The following TMC1 variants were observed in gnomAD, a reference collection of about 807,000 sequenced individuals.
TMC1 encodes the protein transmembrane channel-like protein 1.
In TMC1, 84 loss-of-function variants were observed where a neutral mutation model predicts 105.8. That is an observed-to-expected ratio of 0.79 (90% confidence interval 0.67 to 0.95). The LOEUF (loss-of-function observed/expected upper bound fraction) is 0.95, where lower values mean the gene tolerates loss of function less well. Ranked by LOEUF, TMC1 falls within the 40% of genes least tolerant of loss-of-function variation. The pLI, the probability that TMC1 is intolerant of heterozygous loss-of-function variation, is 0.00. For synonymous variants in TMC1, 315 were observed against 311.5 expected, an observed-to-expected ratio of 1.01 and a Z score of -0.12; for missense variants, 817 against 914.1, an observed-to-expected ratio of 0.89 and a Z score of 1.37.
At chr9:72,601,815 T>C (rs1824821180) in intron 2 of TMC1, among the ~76,000 whole-genome samples, 1 of 152,188 alleles carries the variant, frequency 6.6e-6, no homozygotes, top group South Asian at 2.1e-4. Context: ...TGCACTCCAA[T>C]GTGGGTCACA....
At chr9:72,804,810 C>T (rs1012819425) in intron 17 of TMC1, among the ~76,000 whole-genome samples, 1 of 152,320 alleles carries the variant, frequency 6.6e-6, no homozygotes, top group East Asian at 1.9e-4. Context: ...ATTTGTCATT[C>T]GTGAGGCAAC....
intron 23 of TMC1, 56 bp downstream of exon 23, chr9:72,830,738 C>CT (rs71495342): frequency 0.12 from 133,861 of 1,136,978 alleles, 570 homozygotes; most frequent in Non-Finnish European, 0.14. Context: ...CTTTTTCTTT[C>CT]TTTTTTTTTT....
rs141265571 is a variant in TMC1, at chr9:72,543,940, T to TTTTCTTTC, written c.-428+22035_-428+22042dup. Among the ~76,000 whole-genome samples, 898 of 119,950 alleles carry TTTTCTTTC rather than the reference T, an allele frequency of 7.5e-3. 35 individuals are homozygous for TTTTCTTTC. The highest frequency in any genetic ancestry group is 0.021 in the African/African-American group (547 of 26,198). 78.7% of individuals were successfully genotyped at this position (119,950 alleles called of 152,430 possible). A position where few individuals can be genotyped will look rare whatever the true frequency, so the allele number is the denominator to read the frequency against. On this transcript the variant is annotated intron_variant, in intron 1 of 23. Coordinates refer to ENST00000297784, the MANE Select transcript of TMC1 (RefSeq NM_138691.3). ...AAATGCTTCAATAGTTTCTTTTTCT[T>TTTTCTTTC]TTTCTTTCTTTCTTTTTTTTTTTTT...
At chr9:72,742,647 C>T (rs1437024392) in intron 10 of TMC1, 122 bp downstream of exon 10, 3 of 785,710 alleles carry the variant, frequency 3.8e-6, no homozygotes, top group East Asian at 5.8e-5. Context: ...AACAAACAAA[C>T]AAAAACCAAA....
intron 7 of TMC1, among the ~76,000 whole-genome samples, chr9:72,699,492 A>T (rs1273135452): frequency 6.6e-6 from 1 of 152,198 alleles, no homozygotes; most frequent in Non-Finnish European, 1.5e-5. Flanking sequence ...GGGCAAAGAC[A>T]TCTTCACCCC....
intron 13 of TMC1, among the ~76,000 whole-genome samples, chr9:72,774,940 C>T (rs532338120): frequency 6.2e-4 from 94 of 152,294 alleles, no homozygotes; most frequent in South Asian, 2.5e-3. Flanking sequence ...GTTCTAAAAT[C>T]GACTAGGCTA....
chr9:72,792,939 GGTA>G (rs998296338), intron 17 of TMC1, among the ~76,000 whole-genome samples: 19 of 152,276 alleles, frequency 1.2e-4, no homozygotes, highest in African/African-American at 4.6e-4. Flanking sequence ...CAGCCCACCT[GGTA>G]GTGACATGAA....
chr9:72,531,116 G>T (rs1823493149), intron 1 of TMC1, among the ~76,000 whole-genome samples: 1 of 152,024 alleles, frequency 6.6e-6, no homozygotes, highest in Admixed American at 6.6e-5. Flanking sequence ...GGGATTACTG[G>T]CATGAGCCAC....
chr9:72,749,211 G>T (rs140297905), intron 10 of TMC1, among the ~76,000 whole-genome samples: 10 of 152,146 alleles, frequency 6.6e-5, no homozygotes, highest in Admixed American at 2.6e-4. Context: ...AGGATGGGCC[G>T]TGGCAATAAT....
At chr9:72,569,957 G>A (rs1349667274) in intron 1 of TMC1, among the ~76,000 whole-genome samples, 1 of 152,102 alleles carries the variant, frequency 6.6e-6, no homozygotes, top group Non-Finnish European at 1.5e-5. Flanking sequence ...TTGGGATAAG[G>A]GTGTGGGGTG....
At chr9:72,540,955 A>T (rs1325875137) in intron 1 of TMC1, among the ~76,000 whole-genome samples, 2 of 152,236 alleles carry the variant, frequency 1.3e-5, no homozygotes, top group Non-Finnish European at 2.9e-5. Flanking sequence ...ATCTGCCTCC[A>T]TTAAATCCAA....
chr9:72,754,889 G>A lies in TMC1; in HGVS notation c.741+5G>A. 6.2e-7 allele frequency: 1 copy of A among 1,606,850 alleles called. No individual in the cohort carries two copies. Among genetic ancestry groups the A allele is most frequent in the East Asian group, 2.2e-5 (1 of 44,836 alleles). ...GGTGTGTTGTACGACTTCAATGTAA[G>A]TGTCTCCACACAAGTGTATTGGTGG... On this transcript the variant is annotated splice_donor_5th_base_variant and intron_variant, in intron 12 of 23. Transcript: ENST00000297784.
chr9:72,746,029 CA>C (rs1156777979), intron 10 of TMC1, among the ~76,000 whole-genome samples: 1 of 152,094 alleles, frequency 6.6e-6, no homozygotes, highest in Non-Finnish European at 1.5e-5. Context: ...AATTTGAATG[CA>C]AAACAGATTT....
chr9:72,643,698 T>G (rs116493525), intron 4 of TMC1, among the ~76,000 whole-genome samples: 221 of 152,326 alleles, frequency 1.5e-3, no homozygotes, highest in African/African-American at 5.0e-3. Flanking sequence ...CATTTGTGAA[T>G]GGACATTGCA....
At chr9:72,669,067 G>T (rs1052757635) in intron 5 of TMC1, among the ~76,000 whole-genome samples, 3 of 152,186 alleles carry the variant, frequency 2.0e-5, no homozygotes, top group Non-Finnish European at 4.4e-5. Flanking sequence ...CACTTTGGGA[G>T]GCTGAGGTGG....
intron 1 of TMC1, among the ~76,000 whole-genome samples, chr9:72,566,852 A>G (rs1012332406): frequency 6.6e-6 from 1 of 152,194 alleles, no homozygotes; most frequent in African/African-American, 2.4e-5. Context: ...ACAGACTCCT[A>G]TCTGAGTTCC....
chr9:72,835,909 CTCCTT>C, intron 23 of TMC1, 37 bp from the exon 24 acceptor site: 1 of 1,564,472 alleles, frequency 6.4e-7, no homozygotes, highest in East Asian at 2.2e-5. Context: ...CTCTCTCTCT[CTCCTT>C]GTTTTTTTTT....
intron 2 of TMC1, among the ~76,000 whole-genome samples, chr9:72,612,791 T>C (rs1247596522): frequency 1.3e-5 from 2 of 152,164 alleles, no homozygotes; most frequent in African/African-American, 4.8e-5. Context: ...TAAGACATTT[T>C]TGGTTGTCAC....
At chr9:72,792,680 AAC>A (rs1421725832) in intron 17 of TMC1, among the ~76,000 whole-genome samples, 2 of 152,192 alleles carry the variant, frequency 1.3e-5, no homozygotes, top group African/African-American at 4.8e-5. Flanking sequence ...ATTTAAATGG[AAC>A]TCTATTTAGT....
Sources: allele counts gnomAD v4.1 joint callset (sites outside exome capture counted in the v4.1 genomes callset), GRCh38; gene constraint gnomAD v4.1.1; transcripts MANE v1.5; gene names NCBI Gene and HGNC (gene_info 2026-07-23, HGNC 2026-07-21).